The following PRICKLE2 variants were observed in gnomAD, a reference collection of about 807,000 sequenced individuals.
PRICKLE2 encodes prickle planar cell polarity protein 2.
In PRICKLE2, 21 loss-of-function variants were observed where a neutral mutation model predicts 81.4. That is an observed-to-expected ratio of 0.26 (90% CI 0.18 to 0.37). PRICKLE2 has a LOEUF of 0.37. Among genes scored for constraint, PRICKLE2 ranks in the 10% least tolerant of loss-of-function variants. The pLI is 1.00. For missense variants in PRICKLE2, 940 were observed against 1,109.0 expected, an observed-to-expected ratio of 0.85 and a Z score of 2.16; for synonymous variants, 456 against 421.5, an observed-to-expected ratio of 1.08 and a Z score of -1.00.
intron 7 of PRICKLE2, chr3:64,141,900 A>G (rs2077367962): frequency 2.0e-6 from 2 of 984,974 alleles, no homozygotes; most frequent in African/African-American, 1.7e-5. Context: ...TGAAGGATCA[A>G]GGTGCTTTCA....
At chr3:64,159,817 G>A (rs11720610) in intron 4 of PRICKLE2, 123 bp downstream of exon 4, 464,875 of 1,278,072 alleles carry the variant, frequency 0.36, 87,017 homozygotes, top group Non-Finnish European at 0.39. Context: ...AAACTTTCCC[G>A]TCTTTTGTTC....
chr3:64,218,030 C>T (rs1011438461), intron 1 of PRICKLE2, among the ~76,000 whole-genome samples: 3 of 152,170 alleles, frequency 2.0e-5, no homozygotes, highest in African/African-American at 7.2e-5. Context: ...TGGGCTAACC[C>T]TGCTTTTCCT....
intron 2 of PRICKLE2, among the ~76,000 whole-genome samples, chr3:64,185,746 A>C (rs1045263355): frequency 6.6e-6 from 1 of 152,236 alleles, no homozygotes; most frequent in Non-Finnish European, 1.5e-5. Context: ...TGTTTGCTAA[A>C]GAGTAACTTC....
intron 2 of PRICKLE2, among the ~76,000 whole-genome samples, chr3:64,174,218 T>G (rs1045695571): frequency 6.6e-6 from 1 of 152,208 alleles, no homozygotes; most frequent in African/African-American, 2.4e-5. Context: ...AGAAACTGCA[T>G]TTGATGTTGA....
intron 2 of PRICKLE2, among the ~76,000 whole-genome samples, chr3:64,252,317 A>C (rs926791037): frequency 6.6e-6 from 1 of 152,200 alleles, no homozygotes; most frequent in Non-Finnish European, 1.5e-5. Context: ...TTCTCCCAGG[A>C]AAGTTCAAGC....
chr3:64,137,872 C>G lies in PRICKLE2; in HGVS notation c.1660+8958G>C, dbSNP rs192020947. Among the ~76,000 whole-genome samples, 39 of 152,284 alleles carry G rather than the reference C, an allele frequency of 2.6e-4. 1 individual carries two copies. Among genetic ancestry groups the G allele is most frequent in the African/African-American group, 8.9e-4 (37 of 41,558 alleles). ...TTCCTTGGGGATCTATGGGACCAGT[C>G]AGAAGGTGCTCCTTAGGATGTACTA... On this transcript the variant is annotated intron_variant, in intron 7 of 7. Transcript: ENST00000638394.
intron 1 of PRICKLE2, among the ~76,000 whole-genome samples, chr3:64,223,061 A>G (rs1697811037): frequency 6.6e-6 from 1 of 152,252 alleles, no homozygotes; most frequent in Non-Finnish European, 1.5e-5. Context: ...AGTGGGAATC[A>G]TTTGGATATA....
In PRICKLE2 at chr3:64,128,026, C is replaced by T. The variant is rs115781374; in HGVS notation, c.1660+18804G>A. Among the ~76,000 whole-genome samples, 899 of 152,022 alleles carry T rather than the reference C, an allele frequency of 5.9e-3. 11 individuals carry two copies. The highest frequency in any genetic ancestry group is 0.02 in the African/African-American group (844 of 41,482). On this transcript the variant is annotated intron_variant, in intron 7 of 7. Transcript: ENST00000638394. ...AGGATTTCCTCATATTTTATATGAT[C>T]AAAAAAAGTTCCACTTCTGTTCACT...
chr3:64,216,892 T>C (rs1471022288), intron 1 of PRICKLE2, among the ~76,000 whole-genome samples: 1 of 152,146 alleles, frequency 6.6e-6, no homozygotes, highest in African/African-American at 2.4e-5. Context: ...GGTGGGGGTG[T>C]CATCTTTCCA....
At chr3:64,133,386 C>G (rs2077226855) in intron 7 of PRICKLE2, among the ~76,000 whole-genome samples, 1 of 152,136 alleles carries the variant, frequency 6.6e-6, no homozygotes, top group Admixed American at 6.5e-5. Context: ...GGAAACAGAT[C>G]TGCAGCCAAG....
intron 2 of PRICKLE2, among the ~76,000 whole-genome samples, chr3:64,182,106 G>A (rs2078145215): frequency 6.6e-6 from 1 of 152,126 alleles, no homozygotes; most frequent in Non-Finnish European, 1.5e-5. Flanking sequence ...AAATTCATGT[G>A]TTGGAAACTT....
chr3:64,162,506 T>G (rs1481860562), intron 3 of PRICKLE2, among the ~76,000 whole-genome samples: 1 of 152,156 alleles, frequency 6.6e-6, no homozygotes, highest in East Asian at 1.9e-4. Context: ...CAAGTCAGAC[T>G]TCACCATGAC....
Position 64,188,942 on chromosome 3 carries a change from C to T in PRICKLE2, c.144+9842G>A, listed in dbSNP as rs1361519249. Among the ~76,000 whole-genome samples the T allele has an allele frequency of 2.6e-5, 4 of 152,288 alleles. 1 individual carries two copies. The highest frequency in any genetic ancestry group is 4.1e-4 in the South Asian group (2 of 4,822). ...TTCTTATTGCTTTGTTAATAGACGT[C>T]GGTCTCTGAATGTGTCTTGTTATTC... On this transcript the variant is annotated intron_variant, in intron 2 of 7. Transcript: ENST00000638394.
At chr3:64,100,114 C>T in intron 7 of PRICKLE2, 189 bp from the exon 8 acceptor site, 1 of 608,350 alleles carries the variant, frequency 1.6e-6, no homozygotes. Flanking sequence ...TCACTATCTA[C>T]CTAGAGGGGG....
Position 64,095,765 on chromosome 3 carries a change from A to G in PRICKLE2, c.*3286T>C, listed in dbSNP as rs2076564002. Reference sequence around the variant, plus strand: ...TTTGCTCGACTGGTTGGGGGTAGAAAGGAAGGAATAAAAAATAAAAGGTGA... The same window carrying G: ...TTTGCTCGACTGGTTGGGGGTAGAAGGGAAGGAATAAAAAATAAAAGGTGA... On this transcript the variant is annotated 3_prime_UTR_variant, in exon 8 of 8. Transcript: ENST00000638394. 6.6e-6 allele frequency: 1 copy of G among 152,206 alleles called. No homozygotes were observed. The highest frequency in any genetic ancestry group is 2.4e-5 in the African/African-American group (1 of 41,442). 9.4% of individuals were successfully genotyped at this position (152,206 alleles called of 1,614,324 possible).
At chr3:64,239,773 A>C (rs1379289506) in intron 2 of PRICKLE2, among the ~76,000 whole-genome samples, 1 of 150,258 alleles carries the variant, frequency 6.7e-6, no homozygotes, top group Non-Finnish European at 1.5e-5. Flanking sequence ...GCATCCGTCT[A>C]ATTTCTGAAT....
At chr3:64,135,096 T>C (rs1037504982) in intron 7 of PRICKLE2, among the ~76,000 whole-genome samples, 1 of 152,158 alleles carries the variant, frequency 6.6e-6, no homozygotes, top group African/African-American at 2.4e-5. Flanking sequence ...CTTGGACTGA[T>C]AACACCCTCG....
intron 2 of PRICKLE2, chr3:64,190,438 G>A (rs2078312448): frequency 6.6e-6 from 1 of 151,798 alleles, no homozygotes; most frequent in African/African-American, 2.4e-5. Context: ...TTACTTATTT[G>A]TTTTCTAATT....
At chr3:64,251,292 G>C (rs912488382) in intron 2 of PRICKLE2, among the ~76,000 whole-genome samples, 3 of 152,132 alleles carry the variant, frequency 2.0e-5, no homozygotes, top group African/African-American at 7.2e-5. Flanking sequence ...AAACACAAAA[G>C]GATCACAGTC....
Sources: allele counts gnomAD v4.1 joint callset (sites outside exome capture counted in the v4.1 genomes callset), GRCh38; gene constraint gnomAD v4.1.1; transcripts MANE v1.5; gene names NCBI Gene and HGNC (gene_info 2026-07-23, HGNC 2026-07-21).